The following VPS13B variants were observed in gnomAD, a reference collection of about 807,000 sequenced individuals.
VPS13B encodes intermembrane lipid transfer protein VPS13B.
A neutral mutation model predicts 426.4 loss-of-function variants in VPS13B; 285 were observed. That is an observed-to-expected ratio of 0.67 (90% CI 0.61 to 0.74). VPS13B has a LOEUF of 0.74. Among genes scored for constraint, VPS13B ranks in the 30% least tolerant of loss-of-function variants. The pLI, the probability that VPS13B is intolerant of heterozygous loss-of-function variation, is 0.00. For missense variants in VPS13B, 4,537 were observed against 4,782.6 expected (o/e 0.95, Z 1.51); for synonymous variants, 1,676 against 1,676.4 (o/e 1.00, Z 0.01).
chr8:99,517,721 T>TA (rs1278869465), intron 29 of VPS13B, among the ~76,000 whole-genome samples: 1 of 152,090 alleles, frequency 6.6e-6, no homozygotes, highest in Non-Finnish European at 1.5e-5. Flanking sequence ...GGCTCAATTT[T>TA]AAAAAATAGA....
chr8:99,590,348 T>G (rs1341566883), intron 33 of VPS13B, among the ~76,000 whole-genome samples: 1 of 152,238 alleles, frequency 6.6e-6, no homozygotes, highest in Non-Finnish European at 1.5e-5. Context: ...AGTTCTGCTC[T>G]GATCTTAGTT....
chr8:99,524,132 T>C (rs528482226), intron 30 of VPS13B, among the ~76,000 whole-genome samples: 2 of 151,894 alleles, frequency 1.3e-5, no homozygotes, highest in Admixed American at 6.6e-5. Context: ...AACAGCAAAA[T>C]TGATCAAGCA....
intron 19 of VPS13B, chr8:99,340,994 A>G (rs1811211236): frequency 7.6e-6 from 2 of 263,262 alleles, no homozygotes; most frequent in Non-Finnish European, 1.6e-5. Context: ...TAATTGAAAG[A>G]AAACACTTAG....
intron 39 of VPS13B, among the ~76,000 whole-genome samples, chr8:99,755,251 A>G (rs1390404958): frequency 6.6e-6 from 1 of 152,118 alleles, no homozygotes; most frequent in Non-Finnish European, 1.5e-5. Context: ...GAGCTCAAAG[A>G]GCCCTTCAGC....
chr8:99,226,919 C>A (rs996518696), intron 17 of VPS13B, among the ~76,000 whole-genome samples: 2 of 152,062 alleles, frequency 1.3e-5, no homozygotes, highest in Non-Finnish European at 2.9e-5. Flanking sequence ...TGAGTTACTT[C>A]AAAATATACA....
intron 17 of VPS13B, chr8:99,234,457 A>C (rs564283801): frequency 8.3e-6 from 5 of 600,866 alleles, no homozygotes; most frequent in Non-Finnish European, 6.5e-6. Flanking sequence ...ATTCCACTTT[A>C]CCTTGGCCTC....
intron 32 of VPS13B, 152 bp downstream of exon 32, chr8:99,575,936 T>A: frequency 1.3e-6 from 1 of 747,982 alleles, no homozygotes; most frequent in Non-Finnish European, 2.2e-6. Context: ...TGGAGCACTT[T>A]GTAGTACTCT....
chr8:99,768,156 T>C (rs1192369560), intron 40 of VPS13B, among the ~76,000 whole-genome samples: 2 of 152,238 alleles, frequency 1.3e-5, no homozygotes, highest in Non-Finnish European at 2.9e-5. Flanking sequence ...CTATCATGTG[T>C]ACTGTGAGGC....
chr8:99,743,234 A>G (rs1809858486), intron 39 of VPS13B, among the ~76,000 whole-genome samples: 1 of 152,224 alleles, frequency 6.6e-6, no homozygotes, highest in African/African-American at 2.4e-5. Flanking sequence ...TGCTTCAAAG[A>G]GAATAAAATA....
At chr8:99,232,225 A>T (rs190985267) in intron 17 of VPS13B, among the ~76,000 whole-genome samples, 1 of 152,272 alleles carries the variant, frequency 6.6e-6, no homozygotes, top group East Asian at 1.9e-4. Flanking sequence ...AAACAGAGAG[A>T]GAGATAGAGA....
chr8:99,342,125 A>T (rs1175690225), intron 19 of VPS13B, among the ~76,000 whole-genome samples: 1 of 152,196 alleles, frequency 6.6e-6, no homozygotes. Context: ...TTAATTGACA[A>T]ATCATAATTG....
chr8:99,608,882 T>A (rs1164735759), intron 33 of VPS13B, among the ~76,000 whole-genome samples: 4 of 152,100 alleles, frequency 2.6e-5, no homozygotes, highest in East Asian at 1.9e-4. Context: ...CCATAGGTGT[T>A]TTTTAAAAAT....
In VPS13B at chr8:99,377,479, T is replaced by C. The variant is rs537176308; in HGVS notation, c.2825-6729T>C. 2.7e-4 allele frequency among the ~76,000 whole-genome samples: 41 copies of C among 152,346 alleles called. No homozygotes were observed. In the South Asian group the frequency reaches 8.5e-3, roughly 32 times the overall value. ...TGTGCTTTTTAACATGTTTAGTGAG[T>C]TTTGTACTTCAACAATTTGTCATTT... On this transcript the variant is annotated intron_variant, in intron 19 of 61. Transcript: ENST00000357162.
intron 31 of VPS13B, among the ~76,000 whole-genome samples, chr8:99,571,294 A>G (rs568584385): frequency 1.3e-5 from 2 of 152,002 alleles, no homozygotes; most frequent in East Asian, 3.9e-4. Flanking sequence ...TCTTAATTGT[A>G]GTTATTCAGT....
intron 33 of VPS13B, among the ~76,000 whole-genome samples, chr8:99,602,212 A>T (rs980651006): frequency 2.0e-5 from 3 of 152,194 alleles, no homozygotes; most frequent in Admixed American, 2.0e-4. Flanking sequence ...AGTTTTCTGC[A>T]TGTGGCTAGC....
chr8:99,464,650 A>C (rs1819016830), intron 23 of VPS13B, among the ~76,000 whole-genome samples: 1 of 152,034 alleles, frequency 6.6e-6, no homozygotes, highest in Non-Finnish European at 1.5e-5. Context: ...AATCCCCTGT[A>C]ATTTTCTTTT....
At chr8:99,717,110 C>G (rs1832955989) in intron 36 of VPS13B, 61 bp from the exon 37 acceptor site, 3 of 1,479,026 alleles carry the variant, frequency 2.0e-6, no homozygotes, top group Non-Finnish European at 2.8e-6. Flanking sequence ...ATAGATAGTT[C>G]TTTCCCAAAC....
rs774277345 is a variant in VPS13B, at chr8:99,442,624, T to C, written c.3434T>C (p.Ile1145Thr). 1.3e-5 allele frequency: 21 copies of C among 1,613,726 alleles called. No individual in the cohort carries two copies. In the East Asian group the frequency reaches 2.7e-4, roughly 21 times the overall value. ...ATTCCATTTGTTATCCCACGACCCATCCTTGAAGAAGGTATATGTTAACAT... is the reference window on the plus strand; with the variant it reads ...ATTCCATTTGTTATCCCACGACCCACCCTTGAAGAAGGTATATGTTAACAT... ...QEIPFVIPRP[I>T]LEEGDAFPWT... Residue 1145 changes from isoleucine to threonine, a missense_variant, in exon 23 of 62, where the codon ATC (isoleucine) becomes ACC (threonine). Ile to Thr is a moderately conservative substitution (Grantham distance 89). Coordinates refer to ENST00000357162, the MANE Select transcript of VPS13B (RefSeq NM_152564.5).
At chr8:99,249,495 C>T (rs1342333329) in intron 17 of VPS13B, among the ~76,000 whole-genome samples, 1 of 149,158 alleles carries the variant, frequency 6.7e-6, no homozygotes, top group Non-Finnish European at 1.5e-5. Flanking sequence ...GGCGCGGTCT[C>T]GGCTCACTGC....
Sources: gnomAD v4.1 joint callset for allele counts (sites outside exome capture counted in the v4.1 genomes callset) on GRCh38, gnomAD v4.1.1 for gene constraint, MANE v1.5 for transcripts, NCBI Gene and HGNC (gene_info 2026-07-23, HGNC 2026-07-21) for gene names.